The following ATG5 variants were observed in gnomAD, a reference collection of about 807,000 sequenced individuals.
ATG5 encodes autophagy protein 5.
A neutral mutation model predicts 36.5 loss-of-function variants in ATG5; 14 were observed. The ratio of observed to expected loss-of-function variants is 0.38; its 90% confidence interval spans 0.25 to 0.60. The LOEUF (loss-of-function observed/expected upper bound fraction) is 0.60. Among genes scored for constraint, ATG5 ranks in the 20% least tolerant of loss-of-function variants. The pLI is 0.60. For missense variants in ATG5, 195 were observed against 326.7 expected (o/e 0.60, Z 3.11); for synonymous variants, 95 against 101.5 (o/e 0.94, Z 0.38).
At chr6:106,215,491 C>T (rs1182079640) in intron 6 of ATG5, among the ~76,000 whole-genome samples, 1 of 152,178 alleles carries the variant, frequency 6.6e-6, no homozygotes, top group South Asian at 2.1e-4. Context: ...AGGGAAATTT[C>T]ATAAAAATTC....
chr6:106,197,297 G>GT (rs1776234059), intron 7 of ATG5, among the ~76,000 whole-genome samples: 1 of 152,166 alleles, frequency 6.6e-6, no homozygotes, highest in African/African-American at 2.4e-5. Context: ...TAAAGTGGGA[G>GT]TATCACTTGA....
chr6:106,260,794 T>C (rs915795978), intron 5 of ATG5, among the ~76,000 whole-genome samples: 1 of 152,192 alleles, frequency 6.6e-6, no homozygotes, highest in Non-Finnish European at 1.5e-5. Context: ...CTTTCTTGAT[T>C]CAGGAGATGA....
chr6:106,197,896 C>T (rs1776263969), intron 7 of ATG5, among the ~76,000 whole-genome samples: 1 of 152,030 alleles, frequency 6.6e-6, no homozygotes, highest in Non-Finnish European at 1.5e-5. Flanking sequence ...CTACAAAGTA[C>T]TCAAAAAGGG....
intron 2 of ATG5, among the ~76,000 whole-genome samples, chr6:106,315,784 A>G (rs1181193177): frequency 6.6e-6 from 1 of 152,172 alleles, no homozygotes; most frequent in Non-Finnish European, 1.5e-5. Context: ...TTTATTATAT[A>G]TGAATATATG....
chr6:106,251,095 G>C (rs1778557714), intron 5 of ATG5, among the ~76,000 whole-genome samples: 1 of 152,186 alleles, frequency 6.6e-6, no homozygotes, highest in Non-Finnish European at 1.5e-5. Context: ...GCACACTAAT[G>C]GGCGCTTGCC....
chr6:106,248,084 A>G, intron 6 of ATG5, 66 bp downstream of exon 6: 5 of 1,224,688 alleles, frequency 4.1e-6, no homozygotes, highest in Non-Finnish European at 6.0e-6. Context: ...GTTCTACACT[A>G]GAGTGCTTCA....
chr6:106,221,213 T>TA (rs903163088), intron 6 of ATG5, among the ~76,000 whole-genome samples: 18 of 152,314 alleles, frequency 1.2e-4, no homozygotes, highest in Non-Finnish European at 1.9e-4. Flanking sequence ...TGAGGTCCTT[T>TA]AAAAAATAAT....
chr6:106,282,331 T>C (rs1779914048), intron 4 of ATG5, among the ~76,000 whole-genome samples: 4 of 152,332 alleles, frequency 2.6e-5, no homozygotes, highest in Admixed American at 2.6e-4. Context: ...GCCATATTTA[T>C]TGTAGTATTT....
At chr6:106,314,071 A>T (rs2114676311) in intron 2 of ATG5, among the ~76,000 whole-genome samples, 1 of 152,298 alleles carries the variant, frequency 6.6e-6, no homozygotes, top group Non-Finnish European at 1.5e-5. Context: ...AGACAAGACA[A>T]TCCTCTTTCT....
chr6:106,291,214 T>C (rs1780294195), intron 4 of ATG5, among the ~76,000 whole-genome samples: 1 of 152,242 alleles, frequency 6.6e-6, no homozygotes, highest in Non-Finnish European at 1.5e-5. Flanking sequence ...TCATACAGGA[T>C]ACTAAAAAGA....
chr6:106,280,666 C>T (rs1356532389), intron 4 of ATG5, among the ~76,000 whole-genome samples: 1 of 152,110 alleles, frequency 6.6e-6, no homozygotes, highest in Non-Finnish European at 1.5e-5. Context: ...TTACTGAACA[C>T]TTACTGTGAC....
rs528411333 is a variant in ATG5, at chr6:106,274,963, A to C, written c.478+4698T>G. Among the ~76,000 whole-genome samples the C allele has an allele frequency of 1.2e-4, 19 of 152,336 alleles. No individual in the cohort carries two copies. The South Asian group carries it at 3.7e-3, about 30-fold the overall frequency. On this transcript the variant is annotated intron_variant, in intron 5 of 7. Coordinates refer to ENST00000369076, the MANE Select transcript of ATG5 (RefSeq NM_004849.4). ...GGTCATGAAAGTTGAAAGCATTAAC[A>C]GTTCTGCCTCCACTTTTCTATAAAG...
At chr6:106,225,991 G>A (rs1672005812) in intron 6 of ATG5, among the ~76,000 whole-genome samples, 1 of 152,182 alleles carries the variant, frequency 6.6e-6, no homozygotes, top group African/African-American at 2.4e-5. Context: ...ATAGAGCTGT[G>A]TACACGCTCA....
intron 6 of ATG5, among the ~76,000 whole-genome samples, chr6:106,213,937 G>C (rs942366210): frequency 2.0e-5 from 3 of 152,236 alleles, no homozygotes; most frequent in East Asian, 3.9e-4. Flanking sequence ...GTATTTAGTT[G>C]TTACAGAACC....
At chr6:106,321,460 G>A (rs1308843055) in intron 1 of ATG5, among the ~76,000 whole-genome samples, 3 of 151,732 alleles carry the variant, frequency 2.0e-5, no homozygotes, top group Non-Finnish European at 4.4e-5. Context: ...CCGGGTTCAC[G>A]CCATTCTCCT....
chr6:106,253,773 A>G (rs1778690819), intron 5 of ATG5, among the ~76,000 whole-genome samples: 1 of 152,206 alleles, frequency 6.6e-6, no homozygotes, highest in Non-Finnish European at 1.5e-5. Flanking sequence ...ATAATGCTTT[A>G]TGATGCACAT....
chr6:106,209,763 AT>A (rs1288186175), intron 6 of ATG5, among the ~76,000 whole-genome samples: 1 of 152,206 alleles, frequency 6.6e-6, no homozygotes, highest in African/African-American at 2.4e-5. Flanking sequence ...AGATGTTAGA[AT>A]TGGGGGAAAC....
chr6:106,324,474 G>C (rs1771217499), intron 1 of ATG5, among the ~76,000 whole-genome samples: 1 of 152,148 alleles, frequency 6.6e-6, no homozygotes, highest in African/African-American at 2.4e-5. Context: ...CTTAATTTTT[G>C]TATCAATGTC....
In ATG5 at chr6:106,254,054, T is replaced by C. The variant is rs112287069; in HGVS notation, c.479-5810A>G. On this transcript the variant is annotated intron_variant, in intron 5 of 7. Transcript: ENST00000369076. The stretch of plus-strand genomic sequence containing the variant: ...CTTACTAAGTTACTACCTACCTTAC[T>C]TACTAAGCTCTAAGTCATGCTATTT... Among the ~76,000 whole-genome samples the C allele has an allele frequency of 5.7e-3, 864 of 152,328 alleles. 5 individuals are homozygous for C. The highest frequency in any genetic ancestry group is 0.019 in the African/African-American group (805 of 41,576).
Sources: allele counts gnomAD v4.1 joint callset (sites outside exome capture counted in the v4.1 genomes callset), GRCh38; gene constraint gnomAD v4.1.1; transcripts MANE v1.5; gene names NCBI Gene and HGNC (gene_info 2026-07-23, HGNC 2026-07-21).